PRKG1: variants seen among roughly 807,000 people sequenced by gnomAD.
PRKG1 encodes protein kinase cGMP-dependent 1, also known as cGMP-dependent protein kinase 1.
A neutral mutation model predicts 88.1 loss-of-function variants in PRKG1; 35 were observed. The ratio of observed to expected loss-of-function variants is 0.40; its 90% CI spans 0.30 to 0.53. The LOEUF (loss-of-function observed/expected upper bound fraction) is 0.53, where lower values mean the gene tolerates loss of function less well. PRKG1 is among the 20% of genes least tolerant of loss of function. PRKG1 has a pLI of 0.59. For missense variants in PRKG1, 540 were observed against 839.8 expected (o/e 0.64, Z 4.41); for synonymous variants, 303 against 292.5 (o/e 1.04, Z -0.37).
At chr10:51,224,701 G>A (rs1026401827) in intron 2 of PRKG1, among the ~76,000 whole-genome samples, 2 of 152,066 alleles carry the variant, frequency 1.3e-5, no homozygotes, top group African/African-American at 4.8e-5. Flanking sequence ...TCTGTAAACT[G>A]GATTACAGGG....
At chr10:51,945,165 A>G (rs202216230) in intron 5 of PRKG1, among the ~76,000 whole-genome samples, 11,764 of 142,538 alleles carry the variant, frequency 0.083, 634 homozygotes, top group East Asian at 0.28. Context: ...TATATTTAGG[A>G]TAGTTAGCTC....
chr10:51,736,028 G>T (rs1837269061), intron 3 of PRKG1, among the ~76,000 whole-genome samples: 1 of 147,954 alleles, frequency 6.8e-6, no homozygotes, highest in East Asian at 2.0e-4. Context: ...GAGTAACTAG[G>T]ACCACAGGTG....
intron 9 of PRKG1, among the ~76,000 whole-genome samples, chr10:52,165,433 G>T (rs1326756055): frequency 6.6e-6 from 1 of 152,024 alleles, no homozygotes; most frequent in African/African-American, 2.4e-5. Flanking sequence ...ATTTATAAGG[G>T]TTGCCAATGC....
intron 2 of PRKG1, among the ~76,000 whole-genome samples, chr10:51,454,528 A>G (rs1443371389): frequency 6.6e-6 from 1 of 152,190 alleles, no homozygotes; most frequent in Non-Finnish European, 1.5e-5. Context: ...TCTCACACTG[A>G]TAATAAAGAC....
chr10:52,131,203 G>GTGAGGCATTTGGGA (rs1837247795), intron 7 of PRKG1, among the ~76,000 whole-genome samples: 1 of 152,168 alleles, frequency 6.6e-6, no homozygotes, highest in Non-Finnish European at 1.5e-5. Flanking sequence ...TGTTGTATGT[G>GTGAGGCATTTGGGA]TGAGGCATTT....
chr10:51,799,967 G>T (rs1839123271), intron 3 of PRKG1, among the ~76,000 whole-genome samples: 1 of 152,048 alleles, frequency 6.6e-6, no homozygotes, highest in Admixed American at 6.6e-5. Context: ...ATTTAATGAT[G>T]AATAGTGATA....
chr10:51,064,275 G>A (rs2132787560), intron 1 of PRKG1, among the ~76,000 whole-genome samples: 1 of 152,126 alleles, frequency 6.6e-6, no homozygotes. Flanking sequence ...CCCAGTTTGT[G>A]AGAGGAAAAA....
At chr10:51,855,283 G>C (rs192087974) in intron 4 of PRKG1, among the ~76,000 whole-genome samples, 80 of 152,248 alleles carry the variant, frequency 5.3e-4, no homozygotes, top group African/African-American at 1.8e-3. Context: ...GTCTGTTTCT[G>C]AGATAGTGTG....
intron 9 of PRKG1, among the ~76,000 whole-genome samples, chr10:52,168,738 G>A (rs559630030): frequency 1.6e-4 from 24 of 152,088 alleles, no homozygotes; most frequent in African/African-American, 5.5e-4. Flanking sequence ...GAGATATTTA[G>A]GTGGCAAAGC....
rs113729143 is a variant in PRKG1, at chr10:51,754,800, A to C, written c.593-49785A>C. 4.8e-3 allele frequency among the ~76,000 whole-genome samples: 723 copies of C among 152,208 alleles called. 2 individuals carry two copies. Among genetic ancestry groups the C allele is most frequent in the African/African-American group, 0.017 (699 of 41,514 alleles). On this transcript the variant is annotated intron_variant, in intron 3 of 17. Coordinates refer to ENST00000373980, the MANE Select transcript of PRKG1 (RefSeq NM_006258.4). Reference sequence around the variant, plus strand: ...GCATGAATTTCAGATAAACTATTTAAATACTGCAAGCATAAGTCTTAAACA... The same window carrying C: ...GCATGAATTTCAGATAAACTATTTACATACTGCAAGCATAAGTCTTAAACA...
chr10:51,301,981 C>A (rs376017261), intron 2 of PRKG1, among the ~76,000 whole-genome samples: 3 of 152,188 alleles, frequency 2.0e-5, no homozygotes, highest in African/African-American at 7.2e-5. Context: ...TAAGACGTGA[C>A]CTTAACTAGT....
At chr10:51,890,982 C>G (rs1442021658) in intron 4 of PRKG1, among the ~76,000 whole-genome samples, 1 of 152,090 alleles carries the variant, frequency 6.6e-6, no homozygotes, top group South Asian at 2.1e-4. Context: ...TATATTAGGG[C>G]TAGGTGGGGT....
chr10:51,690,018 T>C (rs549832414), intron 3 of PRKG1, among the ~76,000 whole-genome samples: 2 of 152,274 alleles, frequency 1.3e-5, no homozygotes, highest in South Asian at 4.1e-4. Context: ...TTCTGCAGGC[T>C]GTACAGGAAG....
intron 4 of PRKG1, among the ~76,000 whole-genome samples, chr10:51,831,795 T>C (rs562350852): frequency 7.1e-4 from 108 of 152,202 alleles, no homozygotes; most frequent in African/African-American, 2.5e-3. Flanking sequence ...TCCATATACA[T>C]TGAATTGTCC....
chr10:51,783,543 A>G (rs866751629), intron 3 of PRKG1, among the ~76,000 whole-genome samples: 5 of 152,020 alleles, frequency 3.3e-5, no homozygotes, highest in Middle Eastern at 3.2e-3. Flanking sequence ...CGGCCTCCCA[A>G]ACTGTTGGGA....
At chr10:51,935,905 A>T (rs1250154537) in intron 5 of PRKG1, among the ~76,000 whole-genome samples, 1 of 152,126 alleles carries the variant, frequency 6.6e-6, no homozygotes, top group African/African-American at 2.4e-5. Flanking sequence ...TCTAAAATGT[A>T]TGGCACTCTT....
chr10:51,680,020 C>T (rs899422216), intron 3 of PRKG1, among the ~76,000 whole-genome samples: 1 of 152,144 alleles, frequency 6.6e-6, no homozygotes, highest in Non-Finnish European at 1.5e-5. Context: ...ACAACCTCCC[C>T]CTTCCACCAC....
At position 52,062,766 on chromosome 10, in the gene PRKG1, A is replaced by G. The variant is rs780337286; in HGVS notation, c.935+135A>G. 26 of 746,716 alleles carry G rather than the reference A, an allele frequency of 3.5e-5. 1 individual carries two copies. The highest frequency in any genetic ancestry group is 6.4e-5 in the Non-Finnish European group (26 of 405,900). The allele number at this position is 746,716 out of a possible 1,614,324, so 46.3% of individuals were successfully genotyped here. A position where few individuals can be genotyped will look rare whatever the true frequency, so the allele number is the denominator to read the frequency against. ...ATCAAATATGGACCCTTGATGATAAATACATTTTTATTTATTTTCAGCTGG... is the reference window on the plus strand; with the variant it reads ...ATCAAATATGGACCCTTGATGATAAGTACATTTTTATTTATTTTCAGCTGG... On this transcript the variant is annotated intron_variant, in intron 7 of 17. Coordinates refer to ENST00000373980, the MANE Select transcript of PRKG1 (RefSeq NM_006258.4).
intron 1 of PRKG1, among the ~76,000 whole-genome samples, chr10:51,001,593 A>G (rs145510518): frequency 1.2e-4 from 18 of 152,358 alleles, no homozygotes; most frequent in Admixed American, 5.9e-4. Flanking sequence ...GAAAAGAAGT[A>G]TATTACATAC....
Sources: allele counts gnomAD v4.1 joint callset (sites outside exome capture counted in the v4.1 genomes callset), GRCh38; gene constraint gnomAD v4.1.1; transcripts MANE v1.5; gene names NCBI Gene and HGNC (gene_info 2026-07-23, HGNC 2026-07-21).